The following DIAPH2 variants were observed in gnomAD, a reference collection of about 807,000 sequenced individuals.
The protein encoded by DIAPH2 is protein diaphanous homolog 2.
In DIAPH2, 35 loss-of-function variants were observed where a neutral mutation model predicts 92.7. That is an observed-to-expected ratio of 0.38 (90% confidence interval 0.29 to 0.50). DIAPH2 has a LOEUF of 0.50. Ranked by LOEUF, DIAPH2 falls within the 20% of genes least tolerant of loss-of-function variation. The pLI, the probability that DIAPH2 is intolerant of heterozygous loss-of-function variation, is 0.94. For missense variants in DIAPH2, 701 were observed against 819.5 expected (o/e 0.86, Z 1.77); for synonymous variants, 301 against 280.4 (o/e 1.07, Z -0.73).
intron 12 of DIAPH2, among the ~76,000 whole-genome samples, chrX:96,941,535 A>G (rs1021787053): frequency 2.7e-5 from 3 of 111,321 alleles, no homozygotes; most frequent in Non-Finnish European, 5.7e-5. Flanking sequence ...GGCTCTGTCC[A>G]GTTTTGTAAG....
At chrX:97,555,542 G>A in intron 26 of DIAPH2, 1 of 447,570 alleles carries the variant, frequency 2.2e-6, no homozygotes, top group East Asian at 1.9e-4. Context: ...AATAGGGTGA[G>A]TGGGAGAAAA....
intron 4 of DIAPH2, among the ~76,000 whole-genome samples, chrX:96,875,523 T>C (rs1055153047): frequency 9.0e-6 from 1 of 111,708 alleles, no homozygotes; most frequent in African/African-American, 3.2e-5. Context: ...TGCTTATACA[T>C]TGCTGTAGAA....
rs191581551 is a variant in DIAPH2, at chrX:97,115,991, C to A, written c.2589+1026C>A. On this transcript the variant is annotated intron_variant, in intron 21 of 26. Transcript: ENST00000324765. The stretch of plus-strand genomic sequence containing the variant: ...AGACGAAAATAAATCTGAAAACAAG[C>A]AATCTGTCTTTGACAACTCACCATT... 2.5e-4 allele frequency among the ~76,000 whole-genome samples: 28 copies of A among 111,925 alleles called. No individual in the cohort carries two copies. In the East Asian group the frequency reaches 6.2e-3, roughly 25 times the overall value.
intron 5 of DIAPH2, among the ~76,000 whole-genome samples, chrX:96,892,074 G>T (rs908066116): frequency 3.0e-4 from 34 of 111,883 alleles, no homozygotes; most frequent in Non-Finnish European, 4.9e-4. Flanking sequence ...GGACTAGAAA[G>T]CACTTTCTGA....
At chrX:97,137,265 T>TTATACA in intron 21 of DIAPH2, among the ~76,000 whole-genome samples, 1 of 30,067 alleles carries the variant, frequency 3.3e-5, no homozygotes, top group Admixed American at 4.8e-4. Flanking sequence ...ATAAACGCAG[T>TTATACA]TATACATATA....
At chrX:96,973,513 G>A (rs2065940370) in intron 17 of DIAPH2, among the ~76,000 whole-genome samples, 1 of 110,926 alleles carries the variant, frequency 9.0e-6, no homozygotes, top group African/African-American at 3.3e-5. Flanking sequence ...AAAAAATACA[G>A]TATAACAACT....
intron 4 of DIAPH2, among the ~76,000 whole-genome samples, chrX:96,862,915 G>C (rs1367461593): frequency 9.0e-6 from 1 of 110,826 alleles, no homozygotes; most frequent in African/African-American, 3.3e-5. Flanking sequence ...AAGGTGTTAG[G>C]ACTTGAGAAA....
intron 4 of DIAPH2, among the ~76,000 whole-genome samples, chrX:96,768,430 G>A (rs1192889239): frequency 9.0e-6 from 1 of 111,307 alleles, no homozygotes; most frequent in Non-Finnish European, 1.9e-5. Context: ...AAAGTTACTG[G>A]GTACTTATTA....
intron 4 of DIAPH2, among the ~76,000 whole-genome samples, chrX:96,836,304 A>C (rs1343367346): frequency 9.1e-6 from 1 of 109,834 alleles, no homozygotes; most frequent in Non-Finnish European, 1.9e-5. Flanking sequence ...ATAGGATTAT[A>C]TAATCTAATG....
intron 26 of DIAPH2, among the ~76,000 whole-genome samples, chrX:97,565,449 A>G (rs1338030787): frequency 8.9e-6 from 1 of 112,337 alleles, no homozygotes; most frequent in Non-Finnish European, 1.9e-5. Flanking sequence ...TGTAATAAAT[A>G]TGGTGGATAA....
intron 17 of DIAPH2, among the ~76,000 whole-genome samples, chrX:97,011,023 A>G (rs772500493): frequency 1.8e-5 from 2 of 112,367 alleles, no homozygotes; most frequent in South Asian, 7.4e-4. Flanking sequence ...ATTCATGATC[A>G]TGATGAAATT....
At chrX:97,103,302 T>C (rs2066918039) in intron 20 of DIAPH2, among the ~76,000 whole-genome samples, 1 of 111,637 alleles carries the variant, frequency 9.0e-6, no homozygotes, top group South Asian at 3.8e-4. Flanking sequence ...AAGGAGTGGA[T>C]AGATGGGTGG....
At position 96,801,542 on chromosome X, in the gene DIAPH2, A is replaced by G. The variant is rs183684922; in HGVS notation, c.447+43284A>G. Among the ~76,000 whole-genome samples the G allele has an allele frequency of 5.0e-3, 559 of 111,485 alleles. 3 individuals are homozygous for G. Among genetic ancestry groups the G allele is most frequent in the African/African-American group, 0.017 (528 of 30,729 alleles). Reference sequence around the variant, plus strand: ...ATTATGAAACTTTTAGATAAAACATAAAGACTAACAGGTATAAAATGGATT... The same window carrying G: ...ATTATGAAACTTTTAGATAAAACATGAAGACTAACAGGTATAAAATGGATT... On this transcript the variant is annotated intron_variant, in intron 4 of 26. Coordinates refer to ENST00000324765, the MANE Select transcript of DIAPH2 (RefSeq NM_006729.5).
At chrX:96,723,898 C>T (rs1162204963) in intron 1 of DIAPH2, among the ~76,000 whole-genome samples, 3 of 104,992 alleles carry the variant, frequency 2.9e-5, no homozygotes, top group African/African-American at 1.0e-4. Context: ...ATGGTAACCC[C>T]ATAAGAGTGA....
At chrX:97,405,780 GA>G (rs965033470) in intron 25 of DIAPH2, among the ~76,000 whole-genome samples, 3 of 111,350 alleles carry the variant, frequency 2.7e-5, no homozygotes, top group Non-Finnish European at 3.8e-5. Context: ...CCTACAAAAT[GA>G]CAATGTAATA....
At chrX:96,927,832 A>G (rs958980108) in intron 9 of DIAPH2, among the ~76,000 whole-genome samples, 1 of 111,044 alleles carries the variant, frequency 9.0e-6, no homozygotes, top group Non-Finnish European at 1.9e-5. Flanking sequence ...ATGTACATGA[A>G]GTGGAATTTA....
intron 3 of DIAPH2, among the ~76,000 whole-genome samples, chrX:96,754,422 C>T (rs2064211871): frequency 8.9e-6 from 1 of 111,865 alleles, no homozygotes; most frequent in South Asian, 3.7e-4. Context: ...GACAGCCTAG[C>T]ATAGTTTCTG....
intron 23 of DIAPH2, among the ~76,000 whole-genome samples, chrX:97,255,779 A>G (rs185017765): frequency 7.8e-4 from 88 of 112,221 alleles, no homozygotes; most frequent in African/African-American, 2.8e-3. Context: ...TAAGATAGAA[A>G]TCACATTCTA....
At position 97,367,406 on chromosome X, in the gene DIAPH2, A is replaced by G. The variant is rs1443492263; in HGVS notation, c.3010-16503A>G. Among the ~76,000 whole-genome samples, 3 of 111,862 alleles carry G rather than the reference A, an allele frequency of 2.7e-5. No individual in the cohort carries two copies. The East Asian group carries it at 8.4e-4, about 31-fold the overall frequency. ...TGCTTCCCAGAATGCAATCACTACT[A>G]TATAACAGTGTCCTTATTATTTCCA... On this transcript the variant is annotated intron_variant, in intron 24 of 26. Coordinates refer to ENST00000324765, the MANE Select transcript of DIAPH2 (RefSeq NM_006729.5).
Sources: gnomAD v4.1 joint callset for allele counts (sites outside exome capture counted in the v4.1 genomes callset) on GRCh38, gnomAD v4.1.1 for gene constraint, MANE v1.5 for transcripts, NCBI Gene and HGNC (gene_info 2026-07-23, HGNC 2026-07-21) for gene names.